Variants in PCDH11X observed in about 807,000 individuals in gnomAD.
PCDH11X encodes protocadherin 11 X-linked.
A neutral mutation model predicts 53.3 loss-of-function variants in PCDH11X; 18 were observed. That is an observed-to-expected ratio of 0.34 (90% CI 0.23 to 0.50). The LOEUF (loss-of-function observed/expected upper bound fraction) is 0.50. Among genes scored for constraint, PCDH11X ranks in the 20% least tolerant of loss-of-function variants. PCDH11X has a pLI of 0.98. For missense variants in PCDH11X, 570 were observed against 1,032.4 expected, an observed-to-expected ratio of 0.55 and a Z score of 6.14; for synonymous variants, 279 against 393.3, an observed-to-expected ratio of 0.71 and a Z score of 3.44.
At chrX:91,988,142 A>G (rs2062256420) in intron 6 of PCDH11X, among the ~76,000 whole-genome samples, 1 of 111,313 alleles carries the variant, frequency 9.0e-6, no homozygotes, top group Non-Finnish European at 1.9e-5. Context: ...CACTATTATT[A>G]TAATATTAGA....
chrX:92,426,940 T>G (rs1324141421), intron 9 of PCDH11X, among the ~76,000 whole-genome samples: 1 of 110,570 alleles, frequency 9.0e-6, no homozygotes, highest in Non-Finnish European at 1.9e-5. Context: ...TCAGTACTAT[T>G]GCCACTTTAC....
At chrX:92,150,224 G>A (rs1431674342) in intron 6 of PCDH11X, among the ~76,000 whole-genome samples, 1 of 111,842 alleles carries the variant, frequency 8.9e-6, no homozygotes. Flanking sequence ...CCATCAGTGT[G>A]TGAGTGCCAG....
intron 6 of PCDH11X, among the ~76,000 whole-genome samples, chrX:91,889,660 G>A (rs1224226516): frequency 1.8e-5 from 2 of 110,928 alleles, no homozygotes; most frequent in Non-Finnish European, 3.8e-5. Flanking sequence ...AGAAACTGCT[G>A]AGTTATCTTC....
intron 10 of PCDH11X, among the ~76,000 whole-genome samples, chrX:92,498,553 G>A (rs1213250455): frequency 9.1e-6 from 1 of 110,063 alleles, no homozygotes; most frequent in Non-Finnish European, 1.9e-5. Context: ...CATGACAAAA[G>A]AATGAAACTT....
chrX:92,255,164 T>G (rs2067545112), intron 7 of PCDH11X, among the ~76,000 whole-genome samples: 1 of 108,065 alleles, frequency 9.3e-6, no homozygotes, highest in African/African-American at 3.4e-5. Context: ...TTCTCTAAAC[T>G]TCCCTTCTCG....
chrX:92,402,618 A>G (rs1252106138), intron 9 of PCDH11X, among the ~76,000 whole-genome samples: 2 of 111,928 alleles, frequency 1.8e-5, no homozygotes, highest in Non-Finnish European at 3.8e-5. Context: ...TACACCGTAT[A>G]CAAAAATCAA....
intron 7 of PCDH11X, among the ~76,000 whole-genome samples, chrX:92,203,127 C>G: frequency 8.9e-6 from 1 of 112,231 alleles, no homozygotes; most frequent in South Asian, 3.7e-4. Context: ...TCTGACTCCT[C>G]TGGTATCAAA....
chrX:91,991,090 A>T (rs759562895), intron 6 of PCDH11X, among the ~76,000 whole-genome samples: 42 of 110,196 alleles, frequency 3.8e-4, no homozygotes, highest in African/African-American at 8.3e-4. Flanking sequence ...GAGAAGAGTA[A>T]GAGTGACTAA....
At position 92,304,351 on chromosome X, in the gene PCDH11X, A is replaced by G. The variant is rs187013959; in HGVS notation, c.3144+41208A>G. 1.4e-3 allele frequency among the ~76,000 whole-genome samples: 151 copies of G among 111,678 alleles called. 2 individuals carry two copies. Among genetic ancestry groups the G allele is most frequent in the Middle Eastern group, 4.7e-3 (1 of 212 alleles). On this transcript the variant is annotated intron_variant, in intron 8 of 10. Coordinates refer to ENST00000682573, the MANE Select transcript of PCDH11X (RefSeq NM_032968.5). ...ATCTACAGTCTGAAGCAAAGCAGAA[A>G]CTGATTCAGATTTACCAGAACTTAT...
chrX:92,421,108 T>A (rs1444220677), intron 9 of PCDH11X, among the ~76,000 whole-genome samples: 1 of 111,534 alleles, frequency 9.0e-6, no homozygotes, highest in Non-Finnish European at 1.9e-5. Flanking sequence ...ATGTGAATAG[T>A]TTATTTATCT....
At chrX:92,392,446 C>A (rs1233775610) in intron 9 of PCDH11X, among the ~76,000 whole-genome samples, 1 of 110,065 alleles carries the variant, frequency 9.1e-6, no homozygotes, top group African/African-American at 3.3e-5. Flanking sequence ...CTTTCCCTGG[C>A]AAGGCACTTT....
chrX:92,620,741 G>A lies in PCDH11X; in HGVS notation c.*1801G>A, dbSNP rs1048895684. 2 of 109,971 alleles carry A rather than the reference G, an allele frequency of 1.8e-5. No individual in the cohort carries two copies. The highest frequency in any genetic ancestry group is 3.8e-5 in the Non-Finnish European group (2 of 52,766). 9.1% of individuals were successfully genotyped at this position (109,971 alleles called of 1,213,427 possible). The stretch of plus-strand genomic sequence containing the variant: ...TTCCTTAAGTCATATTTGACTGGGC[G>A]TGCAGAATAACTTCTTAACTTTTAA... On this transcript the variant is annotated 3_prime_UTR_variant, in exon 11 of 11. Transcript: ENST00000682573.
chrX:92,313,360 G>T (rs2068996763), intron 8 of PCDH11X, among the ~76,000 whole-genome samples: 1 of 110,049 alleles, frequency 9.1e-6, no homozygotes, highest in Non-Finnish European at 1.9e-5. Flanking sequence ...GTTAGTCAAT[G>T]ACTGATAGAG....
chrX:92,590,272 C>G (rs1203580525), intron 10 of PCDH11X, among the ~76,000 whole-genome samples: 4 of 111,045 alleles, frequency 3.6e-5, no homozygotes, highest in African/African-American at 9.9e-5. Flanking sequence ...TGGCTGGCAT[C>G]ATGTCTATTA....
chrX:92,441,729 A>G (rs1340629417), intron 9 of PCDH11X, among the ~76,000 whole-genome samples: 1 of 112,237 alleles, frequency 8.9e-6, no homozygotes, highest in Non-Finnish European at 1.9e-5. Context: ...GCAGTGTGGT[A>G]GGGAAATGTG....
intron 10 of PCDH11X, among the ~76,000 whole-genome samples, chrX:92,554,526 A>G (rs1318230633): frequency 1.8e-5 from 2 of 108,644 alleles, no homozygotes; most frequent in East Asian, 5.8e-4. Flanking sequence ...ACATAGTTCA[A>G]ACATATATAT....
At chrX:92,396,590 T>C (rs4606234) in intron 9 of PCDH11X, among the ~76,000 whole-genome samples, 10,982 of 104,029 alleles carry the variant, frequency 0.11, 1,168 homozygotes, top group East Asian at 0.6. Context: ...ATGCCTGTAA[T>C]CCCATCACTT....
chrX:91,992,312 C>T (rs1193722825), intron 6 of PCDH11X, among the ~76,000 whole-genome samples: 1 of 107,505 alleles, frequency 9.3e-6, no homozygotes, highest in Non-Finnish European at 1.9e-5. Context: ...CTACTGTAGT[C>T]GCTTCAGTCA....
At chrX:92,212,897 G>A (rs2066618851) in intron 7 of PCDH11X, among the ~76,000 whole-genome samples, 1 of 112,176 alleles carries the variant, frequency 8.9e-6, no homozygotes, top group African/African-American at 3.2e-5. Flanking sequence ...TTGAAGTTCA[G>A]AATGTGTTTC....
Sources: allele counts gnomAD v4.1 joint callset (sites outside exome capture counted in the v4.1 genomes callset), GRCh38; gene constraint gnomAD v4.1.1; transcripts MANE v1.5; gene names NCBI Gene and HGNC (gene_info 2026-07-23, HGNC 2026-07-21).